The following ASTN2 variants were observed in gnomAD, a reference collection of about 807,000 sequenced individuals.
ASTN2 encodes astrotactin-2.
Under a neutral mutation model 139.8 loss-of-function variants are expected in ASTN2, and 54 were observed. The observed-to-expected ratio is 0.39, with a 90% CI of 0.31 to 0.48. ASTN2 has a LOEUF of 0.48. Among genes scored for constraint, ASTN2 ranks in the 20% least tolerant of loss-of-function variants. ASTN2 has a pLI of 0.95. For synonymous variants in ASTN2, 756 were observed against 719.5 expected (o/e 1.05, Z -0.81); for missense variants, 1,565 against 1,725.1 (o/e 0.91, Z 1.64).
intron 5 of ASTN2, among the ~76,000 whole-genome samples, chr9:117,050,408 G>A (rs562528000): frequency 6.6e-6 from 1 of 152,148 alleles, no homozygotes; most frequent in South Asian, 2.1e-4. Flanking sequence ...TAGGCCTCCT[G>A]TGATGGCCTA....
intron 4 of ASTN2, among the ~76,000 whole-genome samples, chr9:117,116,074 C>T (rs1829382434): frequency 7.2e-6 from 1 of 138,248 alleles, no homozygotes; most frequent in Non-Finnish European, 1.6e-5. Context: ...CAAGAGCTCA[C>T]ATTCAGATGG....
chr9:117,210,543 A>G (rs145189033), intron 3 of ASTN2, among the ~76,000 whole-genome samples: 178 of 152,308 alleles, frequency 1.2e-3, no homozygotes, highest in Middle Eastern at 3.4e-3. Context: ...AAAACAAGTA[A>G]TGAGACTGAG....
At chr9:116,990,340 T>C (rs1343393384) in intron 7 of ASTN2, among the ~76,000 whole-genome samples, 2 of 132,766 alleles carry the variant, frequency 1.5e-5, no homozygotes, top group African/African-American at 5.0e-5. Context: ...CGATCTCAGC[T>C]CCTGCAACCT....
At chr9:117,134,689 G>T (rs1829909380) in intron 4 of ASTN2, among the ~76,000 whole-genome samples, 1 of 152,064 alleles carries the variant, frequency 6.6e-6, no homozygotes, top group Non-Finnish European at 1.5e-5. Flanking sequence ...CCTGCTCTGT[G>T]AAGCCTTCTT....
At chr9:117,383,293 T>C (rs1032428596) in intron 1 of ASTN2, among the ~76,000 whole-genome samples, 2 of 152,180 alleles carry the variant, frequency 1.3e-5, no homozygotes, top group Non-Finnish European at 1.5e-5. Flanking sequence ...TTTGTATCCA[T>C]TTATAGCAGG....
intron 11 of ASTN2, among the ~76,000 whole-genome samples, chr9:116,837,626 C>T (rs1303934175): frequency 6.6e-6 from 1 of 152,174 alleles, no homozygotes; most frequent in African/African-American, 2.4e-5. Context: ...GCTCTGAGTA[C>T]AAAATTTGTA....
chr9:116,817,684 G>A (rs1490409260), intron 12 of ASTN2, among the ~76,000 whole-genome samples: 1 of 152,188 alleles, frequency 6.6e-6, no homozygotes, highest in Non-Finnish European at 1.5e-5. Context: ...TTAGCTCCTG[G>A]AGACAAAGTA....
At chr9:116,631,906 G>T (rs1856762607) in intron 17 of ASTN2, among the ~76,000 whole-genome samples, 1 of 151,936 alleles carries the variant, frequency 6.6e-6, no homozygotes, top group African/African-American at 2.4e-5. Flanking sequence ...ACAAGGTCAA[G>T]AGATGGAGAC....
intron 10 of ASTN2, among the ~76,000 whole-genome samples, chr9:116,904,954 C>T (rs897660597): frequency 6.6e-6 from 1 of 152,116 alleles, no homozygotes; most frequent in Non-Finnish European, 1.5e-5. Flanking sequence ...CCCTCCGCAC[C>T]CCCAACTCTC....
intron 2 of ASTN2, among the ~76,000 whole-genome samples, chr9:117,254,659 G>T (rs562741717): frequency 1.3e-5 from 2 of 152,204 alleles, no homozygotes; most frequent in African/African-American, 4.8e-5. Flanking sequence ...AATACAGACA[G>T]TTGTATATAT....
At position 117,044,173 on chromosome 9, in the gene ASTN2, A is replaced by T. The variant is rs576256048; in HGVS notation, c.1277-4208T>A. ...TCATTGATGACAGAAACTAGGAATC[A>T]TCTATTTGTCCAACACATTCTCAGA... On this transcript the variant is annotated intron_variant, in intron 5 of 22. Coordinates refer to ENST00000313400, the MANE Select transcript of ASTN2 (RefSeq NM_001365068.1). Among the ~76,000 whole-genome samples, 16 of 152,330 alleles carry T rather than the reference A, an allele frequency of 1.1e-4. No homozygotes were observed. The South Asian group carries it at 3.3e-3, about 32-fold the overall frequency.
intron 20 of ASTN2, among the ~76,000 whole-genome samples, chr9:116,458,493 CCTA>C (rs1350577377): frequency 2.6e-5 from 4 of 151,584 alleles, no homozygotes; most frequent in Non-Finnish European, 4.4e-5. Context: ...AATATATACA[CCTA>C]CTATGTACCC....
At chr9:116,748,684 T>A (rs775572051) in intron 13 of ASTN2, among the ~76,000 whole-genome samples, 56 of 152,006 alleles carry the variant, frequency 3.7e-4, no homozygotes, top group Non-Finnish European at 7.4e-4. Flanking sequence ...GCCAGATGAG[T>A]CCAAGGGTGA....
intron 2 of ASTN2, among the ~76,000 whole-genome samples, chr9:117,254,348 A>T (rs1833624191): frequency 6.6e-6 from 1 of 152,210 alleles, no homozygotes; most frequent in Non-Finnish European, 1.5e-5. Context: ...AGCATTTATC[A>T]TTATTATTGA....
chr9:116,605,215 G>A (rs1239147597), intron 19 of ASTN2, among the ~76,000 whole-genome samples: 1 of 152,080 alleles, frequency 6.6e-6, no homozygotes, highest in Non-Finnish European at 1.5e-5. Flanking sequence ...TGATCGGGGG[G>A]GAGAGGCCCA....
At chr9:117,273,583 G>A (rs1397008655) in intron 2 of ASTN2, among the ~76,000 whole-genome samples, 1 of 152,182 alleles carries the variant, frequency 6.6e-6, no homozygotes, top group Admixed American at 6.5e-5. Flanking sequence ...TGCACAAACA[G>A]CAGCAGCCAA....
At chr9:116,522,342 G>T (rs114634334) in intron 19 of ASTN2, among the ~76,000 whole-genome samples, 7,586 of 152,184 alleles carry the variant, frequency 0.05, 235 homozygotes, top group Non-Finnish European at 0.069. Flanking sequence ...CTATAAAAAG[G>T]TATGAAATAA....
chr9:116,998,549 T>TCCATCCATCCATCCATCCATC (rs1837086556), intron 7 of ASTN2, among the ~76,000 whole-genome samples: 1 of 150,560 alleles, frequency 6.6e-6, no homozygotes, highest in South Asian at 2.1e-4. Flanking sequence ...AATTTGATTT[T>TCCATCCATCCATCCATCCATC]CATCCATCCA....
At chr9:116,629,435 C>G (rs989288957) in intron 17 of ASTN2, among the ~76,000 whole-genome samples, 2 of 152,078 alleles carry the variant, frequency 1.3e-5, no homozygotes, top group African/African-American at 4.8e-5. Flanking sequence ...GTAATTCTTA[C>G]AGATGAGCAA....
Sources: gnomAD v4.1 joint callset for allele counts (sites outside exome capture counted in the v4.1 genomes callset) on GRCh38, gnomAD v4.1.1 for gene constraint, MANE v1.5 for transcripts, NCBI Gene and HGNC (gene_info 2026-07-23, HGNC 2026-07-21) for gene names.